The following TRAPPC9 variants were observed in gnomAD, a reference collection of about 807,000 sequenced individuals.
The protein encoded by TRAPPC9 is trafficking protein particle complex subunit 9.
Under a neutral mutation model 124.0 loss-of-function variants are expected in TRAPPC9, and 83 were observed. That is an observed-to-expected ratio of 0.67 (90% CI 0.56 to 0.80). TRAPPC9 has a LOEUF of 0.80. Ranked by LOEUF, TRAPPC9 falls within the 30% of genes least tolerant of loss-of-function variation. TRAPPC9 has a pLI of 0.00. For missense variants in TRAPPC9, 1,302 were observed against 1,508.3 expected, an observed-to-expected ratio of 0.86 and a Z score of 2.27; for synonymous variants, 638 against 617.5, an observed-to-expected ratio of 1.03 and a Z score of -0.49.
At chr8:139,767,431 G>A (rs1175055845) in intron 21 of TRAPPC9, among the ~76,000 whole-genome samples, 3 of 152,164 alleles carry the variant, frequency 2.0e-5, no homozygotes, top group Non-Finnish European at 2.9e-5. Context: ...CCATCCTCAC[G>A]AGGGCAGCAT....
chr8:140,400,976 T>C (rs1480439141), intron 6 of TRAPPC9, among the ~76,000 whole-genome samples: 1 of 152,214 alleles, frequency 6.6e-6, no homozygotes, highest in African/African-American at 2.4e-5. Context: ...TCAACTGATG[T>C]TGCATAATTT....
chr8:140,106,648 C>T (rs2060671579), intron 17 of TRAPPC9, among the ~76,000 whole-genome samples: 1 of 152,186 alleles, frequency 6.6e-6, no homozygotes, highest in African/African-American at 2.4e-5. Context: ...GCAAGAGAAA[C>T]AGACTGCAAG....
chr8:140,160,605 T>C (rs1465735913), intron 17 of TRAPPC9, among the ~76,000 whole-genome samples: 2 of 120,122 alleles, frequency 1.7e-5, no homozygotes, highest in Non-Finnish European at 3.2e-5. Context: ...TGAGAAGACA[T>C]GGACACAGGA....
chr8:139,740,427 G>T (rs1818475700), intron 21 of TRAPPC9, among the ~76,000 whole-genome samples: 1 of 152,248 alleles, frequency 6.6e-6, no homozygotes, highest in African/African-American at 2.4e-5. Flanking sequence ...GGGCCAGGGG[G>T]CCACCGTGGG....
chr8:140,212,841 G>T (rs1190165594), intron 17 of TRAPPC9, among the ~76,000 whole-genome samples: 1 of 151,928 alleles, frequency 6.6e-6, no homozygotes, highest in Non-Finnish European at 1.5e-5. Context: ...AGCACTTTGG[G>T]AGGCCGAGGC....
At chr8:140,280,819 A>C (rs1358947196) in intron 14 of TRAPPC9, among the ~76,000 whole-genome samples, 2 of 152,204 alleles carry the variant, frequency 1.3e-5, no homozygotes, top group Non-Finnish European at 2.9e-5. Flanking sequence ...CACCACTGGC[A>C]GTCTCAGGCA....
chr8:140,451,317 C>A lies in TRAPPC9; in HGVS notation c.57G>T (p.Val19=). The part of the protein sequence containing the change: ...CAEDHQTLLV[V]VQPVGIVSEE... ...CGGAGACGATGCCCACAGGCTGGAC[C>A]ACCACGAGCAGCGTCTGGTGGTCCT... is the stretch of plus-strand genomic sequence containing the variant. Residue 19 remains valine, a synonymous_variant, in exon 2 of 23, where the codon GTG becomes GTT. Coordinates refer to ENST00000438773, the MANE Select transcript of TRAPPC9 (RefSeq NM_001160372.4). 6.2e-7 allele frequency: 1 copy of A among 1,607,706 alleles called. No individual in the cohort carries two copies. Among genetic ancestry groups the A allele is most frequent in the Non-Finnish European group, 8.5e-7 (1 of 1,180,000 alleles).
chr8:140,041,407 C>A (rs972061041), intron 17 of TRAPPC9, among the ~76,000 whole-genome samples: 3 of 152,266 alleles, frequency 2.0e-5, no homozygotes, highest in African/African-American at 7.2e-5. Context: ...TCCCTCCCAA[C>A]ATCAAAGATT....
At chr8:140,453,226 C>A (rs1488199800) in intron 1 of TRAPPC9, among the ~76,000 whole-genome samples, 3 of 152,134 alleles carry the variant, frequency 2.0e-5, no homozygotes, top group Non-Finnish European at 4.4e-5. Context: ...CCATGGTCCC[C>A]ATGGCCAGAG....
intron 8 of TRAPPC9, among the ~76,000 whole-genome samples, chr8:140,369,896 G>A (rs989921204): frequency 1.3e-5 from 2 of 152,072 alleles, no homozygotes; most frequent in African/African-American, 4.8e-5. Flanking sequence ...AGGCTGCAGT[G>A]AGCCAAGATC....
At chr8:139,943,021 G>C (rs975401164) in intron 19 of TRAPPC9, among the ~76,000 whole-genome samples, 1 of 152,218 alleles carries the variant, frequency 6.6e-6, no homozygotes. Context: ...CAGCTAAGGA[G>C]AAAAGAACAA....
At chr8:140,342,038 T>C (rs1366617926) in intron 9 of TRAPPC9, among the ~76,000 whole-genome samples, 1 of 152,256 alleles carries the variant, frequency 6.6e-6, no homozygotes, top group African/African-American at 2.4e-5. Context: ...AGGGCGGATC[T>C]GGAAGGCAGG....
chr8:139,945,365 T>C lies in TRAPPC9; in HGVS notation c.2811-35065A>G, dbSNP rs372275089. On this transcript the variant is annotated intron_variant, in intron 19 of 22. Coordinates refer to ENST00000438773, the MANE Select transcript of TRAPPC9 (RefSeq NM_001160372.4). The stretch of plus-strand genomic sequence containing the variant: ...AGTATCAAAGACTCATCATTGTCCA[T>C]AATGAAGTGAAGTGAATCCATTAGC... Among the ~76,000 whole-genome samples, 7 of 151,920 alleles carry C rather than the reference T, an allele frequency of 4.6e-5. No individual in the cohort carries two copies. The South Asian group carries it at 1.5e-3, about 32-fold the overall frequency.
chr8:140,408,285 A>AG (rs2069569079), intron 5 of TRAPPC9, among the ~76,000 whole-genome samples: 1 of 152,014 alleles, frequency 6.6e-6, no homozygotes. Context: ...AGTCACGGGG[A>AG]GGGGGGAAGG....
intron 9 of TRAPPC9, among the ~76,000 whole-genome samples, chr8:140,312,737 C>T (rs1027469317): frequency 3.9e-4 from 59 of 150,058 alleles, no homozygotes; most frequent in African/African-American, 7.9e-4. Context: ...TCTGTGCCTA[C>T]GCATTCTTCT....
intron 19 of TRAPPC9, among the ~76,000 whole-genome samples, chr8:139,974,343 G>A (rs909465900): frequency 2.6e-5 from 4 of 152,178 alleles, no homozygotes; most frequent in Admixed American, 2.0e-4. Flanking sequence ...ATTCCTGGAT[G>A]AGCCTCCGCC....
At chr8:139,774,157 C>T (rs1043955424) in intron 21 of TRAPPC9, among the ~76,000 whole-genome samples, 2 of 152,214 alleles carry the variant, frequency 1.3e-5, no homozygotes, top group African/African-American at 2.4e-5. Flanking sequence ...CCACGAAGCT[C>T]CCACGCCTGC....
intron 17 of TRAPPC9, among the ~76,000 whole-genome samples, chr8:140,218,039 C>A (rs1300643712): frequency 3.3e-5 from 5 of 150,042 alleles, no homozygotes; most frequent in South Asian, 2.1e-4. Flanking sequence ...AAAGTCATGG[C>A]GAAAGTCTAG....
intron 21 of TRAPPC9, among the ~76,000 whole-genome samples, chr8:139,766,139 A>G (rs945003126): frequency 2.6e-5 from 4 of 152,192 alleles, no homozygotes; most frequent in Admixed American, 6.5e-5. Flanking sequence ...GGCCCCAAAC[A>G]CTAGGGCGCA....
Sources: allele counts gnomAD v4.1 joint callset (sites outside exome capture counted in the v4.1 genomes callset), GRCh38; gene constraint gnomAD v4.1.1; transcripts MANE v1.5; gene names NCBI Gene and HGNC (gene_info 2026-07-23, HGNC 2026-07-21).